DCUN1D2: variants seen among roughly 807,000 people sequenced by gnomAD.
DCUN1D2 encodes defective in cullin neddylation 1 domain containing 2, also known as DCN1-like protein 2.
Under a neutral mutation model 30.9 loss-of-function variants are expected in DCUN1D2, and 29 were observed. The observed-to-expected ratio is 0.94, with a 90% confidence interval of 0.70 to 1.28. The LOEUF is 1.28. Ranked by LOEUF, DCUN1D2 falls within the 50% of genes most tolerant of loss-of-function variation. The pLI, the probability that DCUN1D2 is intolerant of heterozygous loss-of-function variation, is 0.00. For synonymous variants in DCUN1D2, 121 were observed against 115.3 expected (o/e 1.05, Z -0.32); for missense variants, 325 against 316.9 (o/e 1.03, Z -0.19).
At chr13:113,469,212 G>A (rs1029783838) in intron 4 of DCUN1D2, among the ~76,000 whole-genome samples, 3 of 151,544 alleles carry the variant, frequency 2.0e-5, no homozygotes, top group African/African-American at 7.3e-5. Context: ...AAGCTGCCCC[G>A]AACCATCCTC....
intron 3 of DCUN1D2, chr13:113,475,850 GCCATTTCAGCCTCCTCTT>G (rs988778656): frequency 6.6e-6 from 1 of 152,374 alleles, no homozygotes; most frequent in African/African-American, 2.4e-5. Flanking sequence ...AGGGCTCTTT[GCCATTTCAGCCTCCTCTT>G]CCCTCCGGTG....
At position 113,472,064 on chromosome 13, in the gene DCUN1D2, G is replaced by A. The variant is rs371128343; in HGVS notation, c.520+2060C>T. ...GCCCTTTTCTTTTCCGCTACTCACA[G>A]TAATTCTACTGGTGGAGACAGCATT... On this transcript the variant is annotated intron_variant, in intron 4 of 6. Coordinates refer to ENST00000478244, the MANE Select transcript of DCUN1D2 (RefSeq NM_001014283.2). Among the ~76,000 whole-genome samples the A allele has an allele frequency of 4.2e-4, 62 of 146,744 alleles. 1 individual carries two copies. The highest frequency in any genetic ancestry group is 1.4e-3 in the African/African-American group (58 of 40,608).
intron 4 of DCUN1D2, among the ~76,000 whole-genome samples, chr13:113,473,478 G>A (rs1197048834): frequency 1.3e-5 from 2 of 152,182 alleles, no homozygotes; most frequent in Non-Finnish European, 2.9e-5. Flanking sequence ...AAAATAAAAC[G>A]CAAAAGTGGG....
chr13:113,476,688 TTTA>T (rs1183626213), intron 3 of DCUN1D2, among the ~76,000 whole-genome samples: 3 of 152,210 alleles, frequency 2.0e-5, no homozygotes, highest in African/African-American at 2.4e-5. Flanking sequence ...TTTATGGTGA[TTTA>T]TTGTTTTTGT....
chr13:113,461,623 C>A (rs1290353255), intron 4 of DCUN1D2, among the ~76,000 whole-genome samples: 2 of 152,196 alleles, frequency 1.3e-5, no homozygotes, highest in Admixed American at 6.5e-5. Context: ...ATTACAGCGG[C>A]CTTATGAGGG....
chr13:113,487,765 C>T (rs2044833887), intron 1 of DCUN1D2, among the ~76,000 whole-genome samples: 1 of 152,182 alleles, frequency 6.6e-6, no homozygotes, highest in African/African-American at 2.4e-5. Context: ...TGTTTTAGGA[C>T]TAGATAGAGG....
At chr13:113,467,224 C>T (rs1171338099) in intron 4 of DCUN1D2, among the ~76,000 whole-genome samples, 1 of 152,136 alleles carries the variant, frequency 6.6e-6, no homozygotes, top group Non-Finnish European at 1.5e-5. Flanking sequence ...GCTGGTGGTA[C>T]ACAGCAGAGG....
rs755361384 is a variant in DCUN1D2, at chr13:113,459,307, G to A, written c.700+5C>T. The A allele has an allele frequency of 3.9e-5, 60 of 1,524,718 alleles. No homozygotes were observed. Among genetic ancestry groups the A allele is most frequent in the South Asian group, 1.2e-4 (11 of 89,114 alleles). The allele number at this position is 1,524,718 out of a possible 1,614,324, so 94.4% of individuals were successfully genotyped here. On this transcript the variant is annotated splice_donor_5th_base_variant and intron_variant, in intron 6 of 6. Transcript: ENST00000478244. ...GTCAATCATCTGAAGCACAACTTCC[G>A]GTACCTTCTTCATCGTAGTTAGACA...
chr13:113,472,348 C>T (rs1463495200), intron 4 of DCUN1D2, among the ~76,000 whole-genome samples: 2 of 152,026 alleles, frequency 1.3e-5, no homozygotes, highest in East Asian at 1.9e-4. Flanking sequence ...GAGCACCAGC[C>T]GCGACCCCAC....
chr13:113,479,994 A>G (rs1037108312), intron 3 of DCUN1D2, among the ~76,000 whole-genome samples: 2 of 152,182 alleles, frequency 1.3e-5, no homozygotes, highest in African/African-American at 4.8e-5. Context: ...ACTGTTGTAT[A>G]AGCGGTCCAC....
chr13:113,471,111 G>C (rs1222428050), intron 4 of DCUN1D2, among the ~76,000 whole-genome samples: 317 of 36,672 alleles, frequency 8.6e-3, no homozygotes, highest in Admixed American at 0.012. Flanking sequence ...CACAGGGGAC[G>C]CAACTCCACA....
intron 4 of DCUN1D2, among the ~76,000 whole-genome samples, chr13:113,468,593 G>T (rs1038480954): frequency 1.4e-4 from 22 of 152,100 alleles, no homozygotes; most frequent in African/African-American, 4.8e-4. Context: ...TTAAACGCGA[G>T]ACGTGCCACG....
In DCUN1D2 at chr13:113,457,945, A is replaced by G; in HGVS notation, c.*84T>C. 1.6e-6 allele frequency: 2 copies of G among 1,259,932 alleles called. No individual in the cohort carries two copies. The highest frequency in any genetic ancestry group is 1.9e-4 in the Middle Eastern group (1 of 5,296). The allele number at this position is 1,259,932 out of a possible 1,614,324, so 78.0% of individuals were successfully genotyped here. A position where few individuals can be genotyped will look rare whatever the true frequency, so the allele number is the denominator to read the frequency against. On this transcript the variant is annotated 3_prime_UTR_variant, in exon 7 of 7. Coordinates refer to ENST00000478244, the MANE Select transcript of DCUN1D2 (RefSeq NM_001014283.2). ...CTGGTCAAGAATGACTTCTGGAATC[A>G]GCGACAATGCACCCAGGAACTGACT...
intron 4 of DCUN1D2, among the ~76,000 whole-genome samples, chr13:113,461,719 TATCA>T (rs1353841816): frequency 6.6e-6 from 1 of 152,238 alleles, no homozygotes; most frequent in East Asian, 1.9e-4. Flanking sequence ...GGACACTGCG[TATCA>T]ATCAAAGCCA....
chr13:113,487,272 G>C (rs1398382692), intron 1 of DCUN1D2, among the ~76,000 whole-genome samples: 1 of 152,162 alleles, frequency 6.6e-6, no homozygotes, highest in Non-Finnish European at 1.5e-5. Context: ...CCACCACCAG[G>C]AACAGCCATG....
At chr13:113,465,768 G>A (rs1443127721) in intron 4 of DCUN1D2, among the ~76,000 whole-genome samples, 1 of 151,374 alleles carries the variant, frequency 6.6e-6, no homozygotes, top group Non-Finnish European at 1.5e-5. Flanking sequence ...CCAGGCTCAA[G>A]TAATCCTCTT....
intron 1 of DCUN1D2, among the ~76,000 whole-genome samples, chr13:113,489,690 C>T (rs1292083364): frequency 6.6e-6 from 1 of 152,124 alleles, no homozygotes; most frequent in Non-Finnish European, 1.5e-5. Context: ...GTCATCATCG[C>T]CTACCACTAA....
At chr13:113,485,210 A>T (rs1410445418) in intron 1 of DCUN1D2, among the ~76,000 whole-genome samples, 1 of 152,266 alleles carries the variant, frequency 6.6e-6, no homozygotes, top group Non-Finnish European at 1.5e-5. Flanking sequence ...GTTTTACAAA[A>T]ATGCTTTACA....
chr13:113,466,014 T>C (rs2044397423), intron 4 of DCUN1D2, among the ~76,000 whole-genome samples: 1 of 152,196 alleles, frequency 6.6e-6, no homozygotes. Context: ...GCCTCCTGAG[T>C]AGCTGGGACT....
Sources: allele counts gnomAD v4.1 joint callset (sites outside exome capture counted in the v4.1 genomes callset), GRCh38; gene constraint gnomAD v4.1.1; transcripts MANE v1.5; gene names NCBI Gene and HGNC (gene_info 2026-07-23, HGNC 2026-07-21).